The following EIF4G2 variants were observed in gnomAD, a reference collection of about 807,000 sequenced individuals.
EIF4G2 encodes DAP-5.
A neutral mutation model predicts 117.7 loss-of-function variants in EIF4G2; 8 were observed. That is an observed-to-expected ratio of 0.07 (90% CI 0.04 to 0.12). EIF4G2 has a LOEUF of 0.12. Ranked by LOEUF, EIF4G2 falls within the 10% of genes least tolerant of loss-of-function variation. The pLI is 1.00. For missense variants in EIF4G2, 812 were observed against 1,086.2 expected (o/e 0.75, Z 3.55); for synonymous variants, 413 against 367.8 (o/e 1.12, Z -1.41).
chr11:10,808,375 C>A, intron 1 of EIF4G2: 1 of 1,229,582 alleles, frequency 8.1e-7, no homozygotes. Context: ...CCCGCCACGG[C>A]GCTAGCGGTC....
chr11:10,806,152 C>T, intron 3 of EIF4G2, 105 bp from the exon 4 acceptor site: 3 of 1,490,104 alleles, frequency 2.0e-6, no homozygotes, highest in South Asian at 1.2e-5. Context: ...CTCGACTTCC[C>T]CTCCAAGAAA....
At position 10,803,740 on chromosome 11, in the gene EIF4G2, C is replaced by T. The variant is rs1847489168; in HGVS notation, c.703-150G>A. The T allele has an allele frequency of 8.5e-7, 1 of 1,174,402 alleles. No homozygotes were observed. The highest frequency in any genetic ancestry group is 1.5e-5 in the African/African-American group (1 of 64,956). 72.7% of individuals were successfully genotyped at this position (1,174,402 alleles called of 1,614,324 possible). A position where few individuals can be genotyped will look rare whatever the true frequency, so the allele number is the denominator to read the frequency against. On this transcript the variant is annotated intron_variant, in intron 8 of 21. Coordinates refer to ENST00000339995, the MANE Select transcript of EIF4G2 (RefSeq NM_001418.4). This position sits in a 1 kb window ranked among gnomAD's most constrained non-coding sequence, Gnocchi z 4.0. ...TACCAGTCTGGTTGATCAGTTCTAACTCTACTTTGTCAAACACACCACGTA... is the reference window on the plus strand; with the variant it reads ...TACCAGTCTGGTTGATCAGTTCTAATTCTACTTTGTCAAACACACCACGTA...
intron 21 of EIF4G2, among the ~76,000 whole-genome samples, chr11:10,798,317 G>T (rs7117587): frequency 2.6e-5 from 4 of 151,992 alleles, no homozygotes; most frequent in Admixed American, 1.3e-4. Flanking sequence ...AGGGCTACAA[G>T]TTCATTCAAT....
rs376719975 is a variant in EIF4G2, at chr11:10,800,758, C to T, written c.1617G>A (p.Pro539=). ...TTAGTTTAAGGAGTTCTTCCTTTGACGGTGGTGGCTTTTTGCTGGTCTTGG... is the reference window on the plus strand; with the variant it reads ...TTAGTTTAAGGAGTTCTTCCTTTGATGGTGGTGGCTTTTTGCTGGTCTTGG... The change falls in exon 16 of 22, where the codon CCG becomes CCA. Residue 539 remains proline (P), a synonymous_variant. Transcript: ENST00000339995. 3.1e-5 allele frequency: 50 copies of T among 1,613,980 alleles called. No homozygotes were observed. The highest frequency in any genetic ancestry group is 3.3e-4 in the Middle Eastern group (2 of 6,084).
intron 14 of EIF4G2, 71 bp from the exon 15 acceptor site, chr11:10,801,158 A>G: frequency 1.9e-6 from 3 of 1,587,760 alleles, no homozygotes; most frequent in Non-Finnish European, 2.6e-6. Context: ...ACAACATTCT[A>G]AAATCCTATA....
intron 2 of EIF4G2, 99 bp downstream of exon 2, chr11:10,807,156 T>C: frequency 6.7e-7 from 1 of 1,499,868 alleles, no homozygotes; most frequent in East Asian, 2.3e-5. Flanking sequence ...ACTTTTCAAA[T>C]GAAAATTGCA....
intron 4 of EIF4G2, 84 bp downstream of exon 4, chr11:10,805,823 T>C (rs886318873): frequency 7.6e-6 from 12 of 1,585,966 alleles, no homozygotes; most frequent in African/African-American, 1.3e-5. Context: ...GCATGAACCT[T>C]GCCTTCTTAG....
chr11:10,803,939 T>C lies in EIF4G2; in HGVS notation c.662A>G (p.Asp221Gly). ...ATGAAGGATAGATTCGTGAATAAGA[T>C]CAAGCTTGCCAAGCTCTCCAATGAA... Residue 221 changes from aspartate (D) to glycine (G), a missense_variant, in exon 8 of 22, where the codon GAT (aspartate) becomes GGT (glycine). Transcript: ENST00000339995. This position sits in a 1 kb window ranked among gnomAD's most constrained non-coding sequence, Gnocchi z 4.0. 1.9e-6 allele frequency: 3 copies of C among 1,614,118 alleles called. No individual in the cohort carries two copies. Among genetic ancestry groups the C allele is most frequent in the Non-Finnish European group, 1.7e-6 (2 of 1,180,010 alleles).
At chr11:10,808,023 C>CG in intron 1 of EIF4G2, 1 of 1,032,660 alleles carries the variant, frequency 9.7e-7, no homozygotes, top group Non-Finnish European at 1.2e-6. Flanking sequence ...CCGCGAGGCC[C>CG]GGGTCGCTCG....
At chr11:10,808,286 G>C in intron 1 of EIF4G2, 1 of 1,216,940 alleles carries the variant, frequency 8.2e-7, no homozygotes, top group Non-Finnish European at 1.0e-6. Flanking sequence ...CCTCCCCGCC[G>C]GGAGGCCAGG....
rs1847473817 is a variant in EIF4G2, at chr11:10,803,103, T to C, written c.923A>G (p.His308Arg). 6.2e-7 allele frequency: 1 copy of C among 1,610,944 alleles called. No homozygotes were observed. Among genetic ancestry groups the C allele is most frequent in the Non-Finnish European group, 8.5e-7 (1 of 1,178,288 alleles). ...AAGAAAAGCCTTGCGAGGAACCCAA[T>C]GGTGTTCTCGCAACTCTACGGTATC... is the stretch of plus-strand genomic sequence containing the variant. Residue 308 changes from histidine (H) to arginine (R), a missense_variant, in exon 11 of 22, where the codon CAT becomes CGT. By Grantham distance (29) the His-to-Arg change is conservative (BLOSUM62 0). Around this residue, in one of 4 missense-constraint regions of EIF4G2, gnomAD observed 154 missense variants for 322.1 expected, o/e 0.48. Coordinates refer to ENST00000339995, the MANE Select transcript of EIF4G2 (RefSeq NM_001418.4). The surrounding 1 kb of genome is among the most constrained non-coding windows in gnomAD (Gnocchi z 4.0).
chr11:10,808,149 C>T (rs1847645914), intron 1 of EIF4G2: 1 of 1,098,214 alleles, frequency 9.1e-7, no homozygotes, highest in African/African-American at 1.7e-5. Context: ...CCTCCTGCAC[C>T]ATAAATCCCC....
intron 5 of EIF4G2, 35 bp from the exon 6 acceptor site, chr11:10,804,453 A>C (rs1277514266): frequency 6.5e-7 from 1 of 1,544,006 alleles, no homozygotes; most frequent in African/African-American, 1.4e-5. Flanking sequence ...CTAAATATGA[A>C]AACTTCTCCA....
At chr11:10,808,070 G>C in intron 1 of EIF4G2, 22 of 1,043,222 alleles carry the variant, frequency 2.1e-5, no homozygotes, top group Non-Finnish European at 2.5e-5. Flanking sequence ...CCGCCAGCCC[G>C]GCGCCCAGCT....
At chr11:10,806,458 G>C in intron 3 of EIF4G2, 1 of 327,968 alleles carries the variant, frequency 3.0e-6, no homozygotes, top group South Asian at 4.0e-5. Context: ...TGGGATTACA[G>C]GTGTGAGCCA....
At position 10,807,272 on chromosome 11, in the gene EIF4G2, C is replaced by T. The variant is rs1349929126; in HGVS notation, c.24G>A (p.Gly8=). The T allele has an allele frequency of 6.2e-7, 1 of 1,612,422 alleles. No homozygotes were observed. Among genetic ancestry groups the T allele is most frequent in the Non-Finnish European group, 8.5e-7 (1 of 1,179,604 alleles). ...ACAAGTACCTGAAACGAGAAGCACC[C>T]CCTTCTGCAATCGCACTCTCCACTT... Residue 8 remains glycine (G), a synonymous_variant, in exon 2 of 22, where the codon GGG becomes GGA. Transcript: ENST00000339995.
At position 10,802,389 on chromosome 11, in the gene EIF4G2, C is replaced by T. The variant is rs1347062058; in HGVS notation, c.1043G>A (p.Ser348Asn). ...GAACGGTCCCTCCAGAAAGAAGTCA[C>T]TTCTCATCCCTTGAGCCATAGGAGC... The change falls in exon 12 of 22, where the codon AGT (serine) becomes AAT (asparagine). Residue 348 changes from serine to asparagine, a missense_variant. Ser to Asn is a conservative substitution (Grantham distance 46). Coordinates refer to ENST00000339995, the MANE Select transcript of EIF4G2 (RefSeq NM_001418.4). The T allele has an allele frequency of 1.2e-6, 2 of 1,613,612 alleles. No homozygotes were observed. The highest frequency in any genetic ancestry group is 1.7e-6 in the Non-Finnish European group (2 of 1,179,876).
chr11:10,805,571 G>C (rs1847543846), intron 4 of EIF4G2, among the ~76,000 whole-genome samples: 1 of 151,990 alleles, frequency 6.6e-6, no homozygotes, highest in Non-Finnish European at 1.5e-5. Flanking sequence ...TCCTGCCTCA[G>C]CCTCTCTAGT....
Position 10,803,712 on chromosome 11 carries a change from T to A in EIF4G2, c.703-122A>T. 1 of 1,115,328 alleles carries A rather than the reference T, an allele frequency of 9.0e-7. No individual in the cohort carries two copies. The highest frequency in any genetic ancestry group is 1.3e-6 in the Non-Finnish European group (1 of 769,488). 69.1% of individuals were successfully genotyped at this position (1,115,328 alleles called of 1,614,324 possible). ...TTCCTACAGAATCTAGTATAGGGCT[T>A]TCTACCAGTCTGGTTGATCAGTTCT... is the stretch of plus-strand genomic sequence containing the variant. On this transcript the variant is annotated intron_variant, in intron 8 of 21. Transcript: ENST00000339995. This position sits in a 1 kb window ranked among gnomAD's most constrained non-coding sequence, Gnocchi z 4.0.
Sources: gnomAD v4.1 joint callset for allele counts (sites outside exome capture counted in the v4.1 genomes callset) on GRCh38, gnomAD v4.1.1 for gene constraint, gnomAD v4.1.1 regional missense constraint, Gnocchi (gnomAD v3.1) non-coding constraint, MANE v1.5 for transcripts, NCBI Gene and HGNC (gene_info 2026-07-23, HGNC 2026-07-21) for gene names.